The following PITPNC1 variants were observed in gnomAD, a reference collection of about 807,000 sequenced individuals.
The protein encoded by PITPNC1 is phosphatidylinositol transfer protein cytoplasmic 1, also known as cytoplasmic phosphatidylinositol transfer protein 1.
Under a neutral mutation model 44.7 loss-of-function variants are expected in PITPNC1, and 18 were observed. The observed-to-expected ratio is 0.40, with a 90% CI of 0.28 to 0.60. The LOEUF is 0.60. Ranked by LOEUF, PITPNC1 falls within the 20% of genes least tolerant of loss-of-function variation. The pLI is 0.39. For synonymous variants in PITPNC1, 141 were observed against 149.6 expected (o/e 0.94, Z 0.42); for missense variants, 290 against 418.4 (o/e 0.69, Z 2.68).
chr17:67,579,530 C>T (rs192655441), intron 5 of PITPNC1, among the ~76,000 whole-genome samples: 11 of 151,728 alleles, frequency 7.2e-5, no homozygotes, highest in South Asian at 2.1e-4. Context: ...AAATCACAGG[C>T]GCGTTGCTGG....
intron 4 of PITPNC1, among the ~76,000 whole-genome samples, chr17:67,563,320 A>G (rs2040929787): frequency 6.6e-6 from 1 of 152,204 alleles, no homozygotes; most frequent in Non-Finnish European, 1.5e-5. Context: ...CGTTCTACAT[A>G]CTGTTGGAAC....
At chr17:67,611,598 C>A (rs561380295) in intron 5 of PITPNC1, 1 of 152,438 alleles carries the variant, frequency 6.6e-6, no homozygotes, top group East Asian at 1.9e-4. Context: ...CTCAGCCTCC[C>A]GAGTAGCTGG....
At chr17:67,448,036 C>T (rs1317525839) in intron 1 of PITPNC1, among the ~76,000 whole-genome samples, 3 of 152,020 alleles carry the variant, frequency 2.0e-5, no homozygotes, top group African/African-American at 7.3e-5. Context: ...ACCTCCACCT[C>T]CCAGGTTCCA....
intron 1 of PITPNC1, among the ~76,000 whole-genome samples, chr17:67,474,645 C>T (rs181226449): frequency 3.0e-4 from 46 of 152,162 alleles, no homozygotes; most frequent in African/African-American, 9.4e-4. Flanking sequence ...TCTGGCAATC[C>T]GTAGGATTCT....
chr17:67,578,197 G>C lies in PITPNC1; in HGVS notation c.306G>C (p.Leu102=). ...YTITEYTCSF[L]PKFSIHIETK... ...CTTTTCTCCCACAGTGTTCCTTTCT[G>C]CCGAAATTCTCCATTCATATAGAAA... The change falls in exon 5 of 9, where the codon CTG becomes CTC. Residue 102 remains leucine (L), a synonymous_variant. Coordinates refer to ENST00000581322, the MANE Select transcript of PITPNC1 (RefSeq NM_012417.4). 1 of 1,611,050 alleles carries C rather than the reference G, an allele frequency of 6.2e-7. No homozygotes were observed. The highest frequency in any genetic ancestry group is 8.5e-7 in the Non-Finnish European group (1 of 1,177,438).
chr17:67,468,996 T>A, intron 1 of PITPNC1, among the ~76,000 whole-genome samples: 1 of 152,190 alleles, frequency 6.6e-6, no homozygotes, highest in East Asian at 1.9e-4. Context: ...CCCAAAGTGT[T>A]GCAATTACAG....
Position 67,632,160 on chromosome 17 carries a change from C to T in PITPNC1, c.384C>T (p.Ala128=), listed in dbSNP as rs2041979307. 1.9e-6 allele frequency: 3 copies of T among 1,611,708 alleles called. No homozygotes were observed. The highest frequency in any genetic ancestry group is 2.5e-6 in the Non-Finnish European group (3 of 1,177,984). The part of the protein sequence containing the change: ...GSNDTIFDNE[A]KDVEREVCFI... ...TTTTTCAGATTTTCGACAATGAAGCCAAAGACGTGGAGAGAGAAGTTTGCT... is the reference window on the plus strand; with the variant it reads ...TTTTTCAGATTTTCGACAATGAAGCTAAAGACGTGGAGAGAGAAGTTTGCT... Residue 128 remains alanine (A), a synonymous_variant, in exon 6 of 9, where the codon GCC becomes GCT. Coordinates refer to ENST00000581322, the MANE Select transcript of PITPNC1 (RefSeq NM_012417.4).
chr17:67,599,235 G>A (rs371594345), intron 5 of PITPNC1, among the ~76,000 whole-genome samples: 1 of 151,280 alleles, frequency 6.6e-6, no homozygotes, highest in Non-Finnish European at 1.5e-5. Flanking sequence ...ACTGAGACAC[G>A]TGAGGTTGAT....
intron 1 of PITPNC1, among the ~76,000 whole-genome samples, chr17:67,426,035 G>A (rs1249419487): frequency 6.6e-6 from 1 of 152,142 alleles, no homozygotes; most frequent in African/African-American, 2.4e-5. Context: ...TCACTTCATA[G>A]ACCATCATAC....
At chr17:67,601,614 G>A (rs1448245085) in intron 5 of PITPNC1, among the ~76,000 whole-genome samples, 1 of 152,068 alleles carries the variant, frequency 6.6e-6, no homozygotes, top group African/African-American at 2.4e-5. Context: ...AATTTGGCAA[G>A]CATGGTGGTG....
chr17:67,484,980 T>C (rs2039757393), intron 1 of PITPNC1, among the ~76,000 whole-genome samples: 3 of 152,186 alleles, frequency 2.0e-5, no homozygotes, highest in Admixed American at 2.0e-4. Flanking sequence ...TTGGTTTATT[T>C]TGACTCTTGA....
chr17:67,536,861 TG>T (rs2040538032), intron 2 of PITPNC1, among the ~76,000 whole-genome samples: 1 of 152,158 alleles, frequency 6.6e-6, no homozygotes, highest in Non-Finnish European at 1.5e-5. Context: ...AAAGAGAATC[TG>T]TTCTGATGTC....
intron 1 of PITPNC1, among the ~76,000 whole-genome samples, chr17:67,433,332 G>A (rs1437333668): frequency 1.3e-5 from 2 of 152,330 alleles, no homozygotes; most frequent in South Asian, 2.1e-4. Flanking sequence ...GAGCCTGGGC[G>A]GGCGGGTAAG....
At chr17:67,476,942 C>T (rs1421557106) in intron 1 of PITPNC1, among the ~76,000 whole-genome samples, 2 of 152,200 alleles carry the variant, frequency 1.3e-5, no homozygotes, top group Non-Finnish European at 2.9e-5. Flanking sequence ...TCTCAGGCCC[C>T]ACCCCAGACC....
intron 4 of PITPNC1, among the ~76,000 whole-genome samples, chr17:67,575,476 G>A (rs867811749): frequency 2.0e-5 from 3 of 152,188 alleles, no homozygotes; most frequent in Non-Finnish European, 4.4e-5. Context: ...CAGATCCCTT[G>A]TTTCACTCAG....
chr17:67,466,428 G>A (rs142733976), intron 1 of PITPNC1, among the ~76,000 whole-genome samples: 76 of 152,264 alleles, frequency 5.0e-4, no homozygotes, highest in Non-Finnish European at 1.0e-3. Context: ...TTACAAACAA[G>A]GGGGCAGATG....
intron 1 of PITPNC1, among the ~76,000 whole-genome samples, chr17:67,396,931 AG>A (rs1390022174): frequency 6.6e-6 from 1 of 152,224 alleles, no homozygotes; most frequent in African/African-American, 2.4e-5. Flanking sequence ...CTGGGATTAC[AG>A]GTATAAGCCA....
At chr17:67,590,006 G>A (rs12603766) in intron 5 of PITPNC1, among the ~76,000 whole-genome samples, 7,684 of 151,272 alleles carry the variant, frequency 0.051, 357 homozygotes, top group East Asian at 0.15. Context: ...GGAAAAAAAA[G>A]ACATGCAGAG....
At chr17:67,643,027 G>C (rs999970996) in intron 6 of PITPNC1, among the ~76,000 whole-genome samples, 1 of 152,222 alleles carries the variant, frequency 6.6e-6, no homozygotes, top group African/African-American at 2.4e-5. Flanking sequence ...CTAAATGCCA[G>C]ATCAAAAGCA....
Sources: allele counts gnomAD v4.1 joint callset (sites outside exome capture counted in the v4.1 genomes callset), GRCh38; gene constraint gnomAD v4.1.1; transcripts MANE v1.5; gene names NCBI Gene and HGNC (gene_info 2026-07-23, HGNC 2026-07-21).